Variants in EXOC4 observed in about 807,000 individuals in gnomAD.
EXOC4 encodes the protein exocyst complex component 4, also known as SEC8-like 1.
EXOC4 carries 71 observed loss-of-function variants against 107.2 expected under a neutral mutation model. The observed-to-expected ratio is 0.66, with a 90% CI of 0.55 to 0.81. The LOEUF (loss-of-function observed/expected upper bound fraction) is 0.81. Ranked by LOEUF, EXOC4 falls within the 30% of genes least tolerant of loss-of-function variation. EXOC4 has a pLI of 0.00. For missense variants in EXOC4, 1,108 were observed against 1,189.6 expected, an observed-to-expected ratio of 0.93 and a Z score of 1.01; for synonymous variants, 456 against 441.2, an observed-to-expected ratio of 1.03 and a Z score of -0.42.
intron 6 of EXOC4, among the ~76,000 whole-genome samples, chr7:133,361,471 G>A (rs564088467): frequency 3.9e-5 from 6 of 152,164 alleles, no homozygotes; most frequent in South Asian, 4.2e-4. Flanking sequence ...TTGTAGAGAC[G>A]GGGTTTCACC....
chr7:134,056,986 C>G (rs1795941856), intron 17 of EXOC4, among the ~76,000 whole-genome samples: 1 of 152,126 alleles, frequency 6.6e-6, no homozygotes, highest in Non-Finnish European at 1.5e-5. Context: ...AGGATACGTT[C>G]CTGAGAGGAG....
intron 17 of EXOC4, among the ~76,000 whole-genome samples, chr7:134,060,161 G>A (rs537265891): frequency 3.3e-5 from 5 of 152,148 alleles, no homozygotes; most frequent in Non-Finnish European, 7.3e-5. Context: ...AGTCTGTGAA[G>A]TCACACCTCC....
Position 134,051,632 on chromosome 7 carries a change from G to A in EXOC4, c.2688-12659G>A, listed in dbSNP as rs545483125. Among the ~76,000 whole-genome samples the A allele has an allele frequency of 6.3e-3, 880 of 139,396 alleles. 10 individuals are homozygous for A. The highest frequency in any genetic ancestry group is 0.022 in the African/African-American group (804 of 36,952). The allele number at this position is 139,396 out of a possible 152,430, so 91.4% of individuals were successfully genotyped here. On this transcript the variant is annotated intron_variant, in intron 17 of 17. Transcript: ENST00000253861. ...GGTTGCAGTGAGCCGAGATCGCGCC[G>A]CTGCACTCCAGCCTGGGAGACAGAG...
At chr7:133,640,157 A>G (rs1802818266) in intron 10 of EXOC4, among the ~76,000 whole-genome samples, 1 of 152,198 alleles carries the variant, frequency 6.6e-6, no homozygotes, top group Admixed American at 6.5e-5. Context: ...ATCGACATAG[A>G]TCATTTTCAG....
chr7:134,070,477 G>A (rs10954438), downstream of EXOC4, among the ~76,000 whole-genome samples: 112,490 of 152,056 alleles, frequency 0.74, 42,008 homozygotes, highest in East Asian at 0.87. Flanking sequence ...TATCAAGAGT[G>A]TAATGAGATG....
chr7:133,412,780 A>G (rs1797392354), intron 7 of EXOC4, among the ~76,000 whole-genome samples: 1 of 152,172 alleles, frequency 6.6e-6, no homozygotes. Context: ...TCTGAATCAT[A>G]TTAAAATTTA....
intron 1 of EXOC4, among the ~76,000 whole-genome samples, chr7:133,273,221 T>TA (rs1195884666): frequency 1.3e-5 from 2 of 152,232 alleles, no homozygotes; most frequent in Non-Finnish European, 2.9e-5. Context: ...GAAGACATGA[T>TA]ACATGCTAAG....
chr7:133,557,228 T>C (rs1800709491), intron 9 of EXOC4, among the ~76,000 whole-genome samples: 1 of 152,110 alleles, frequency 6.6e-6, no homozygotes, highest in African/African-American at 2.4e-5. Context: ...ACCACCCTGG[T>C]TTCTCCTCCC....
intron 12 of EXOC4, among the ~76,000 whole-genome samples, chr7:133,904,725 CT>C (rs1799529984): frequency 6.6e-6 from 1 of 152,218 alleles, no homozygotes; most frequent in Admixed American, 6.5e-5. Flanking sequence ...AGAAAATCAT[CT>C]TTCTGGTTGT....
chr7:133,393,627 TG>T (rs924703079), intron 7 of EXOC4, among the ~76,000 whole-genome samples: 33 of 152,152 alleles, frequency 2.2e-4, no homozygotes, highest in Admixed American at 6.5e-4. Context: ...TTAGTGCCCT[TG>T]TAAAAGAGGC....
At chr7:134,073,230 A>AAAAAAC in the EXOC4 span, among the ~76,000 whole-genome samples, 19 of 18,420 alleles carry the variant, frequency 1.0e-3, no homozygotes, top group African/African-American at 3.5e-3. Flanking sequence ...AAAAAAAAAA[A>AAAAAAC]AACAACAAAG....
At position 133,566,398 on chromosome 7, in the gene EXOC4, A is replaced by T. The variant is rs150474878; in HGVS notation, c.1418-63647A>T. 3.9e-4 allele frequency among the ~76,000 whole-genome samples: 59 copies of T among 152,310 alleles called. 1 individual carries two copies. The East Asian group carries it at 0.011, about 28-fold the overall frequency. The stretch of plus-strand genomic sequence containing the variant: ...GTACCTATCTCATAGGATTGTTGTG[A>T]GCATGATGTGCAAGAGTACACATAA... On this transcript the variant is annotated intron_variant, in intron 9 of 17. Transcript: ENST00000253861.
At chr7:133,958,955 A>G (rs1363599492) in intron 14 of EXOC4, among the ~76,000 whole-genome samples, 1 of 152,240 alleles carries the variant, frequency 6.6e-6, no homozygotes, top group Non-Finnish European at 1.5e-5. Context: ...GCATCCAGGA[A>G]TATAACTTCA....
At chr7:133,661,809 A>G (rs1376092939) in intron 10 of EXOC4, among the ~76,000 whole-genome samples, 1 of 151,514 alleles carries the variant, frequency 6.6e-6, no homozygotes, top group Non-Finnish European at 1.5e-5. Context: ...ATAGGACTAT[A>G]TTGGTAGTCC....
At chr7:133,956,924 G>A (rs1157961099) in intron 14 of EXOC4, among the ~76,000 whole-genome samples, 1 of 151,924 alleles carries the variant, frequency 6.6e-6, no homozygotes, top group African/African-American at 2.4e-5. Flanking sequence ...TGTACAGAGA[G>A]CATGTTTTCT....
chr7:134,036,184 G>A (rs566674571), intron 17 of EXOC4, among the ~76,000 whole-genome samples: 19 of 152,190 alleles, frequency 1.2e-4, no homozygotes, highest in African/African-American at 4.1e-4. Context: ...AATGACAAAC[G>A]TAATTCAGAA....
At chr7:133,274,072 G>A (rs1432516350) in intron 1 of EXOC4, among the ~76,000 whole-genome samples, 2 of 152,134 alleles carry the variant, frequency 1.3e-5, no homozygotes, top group Admixed American at 6.5e-5. Flanking sequence ...TGTATCAAAC[G>A]AAGTTATTGA....
intron 9 of EXOC4, among the ~76,000 whole-genome samples, chr7:133,558,185 CCTTCTCTTTTCTTTTCTTTT>C (rs1255442185): frequency 1.1e-5 from 1 of 91,418 alleles, no homozygotes; most frequent in African/African-American, 4.4e-5. Context: ...TATTTTGGTT[CCTTCTCTTTTCTTTTCTTTT>C]CTTTTCTTTT....
chr7:134,067,632 T>TACACACACACACACAC (rs1177750777), downstream of EXOC4, among the ~76,000 whole-genome samples: 210 of 98,510 alleles, frequency 2.1e-3, 6 homozygotes, highest in African/African-American at 6.9e-3. Context: ...CTCTTATATA[T>TACACACACACACACAC]ATATATACAC....
Sources: allele counts gnomAD v4.1 joint callset (sites outside exome capture counted in the v4.1 genomes callset), GRCh38; gene constraint gnomAD v4.1.1; transcripts MANE v1.5; gene names NCBI Gene and HGNC (gene_info 2026-07-23, HGNC 2026-07-21).